Variants in CIZ1 observed in about 807,000 individuals in gnomAD.
The protein encoded by CIZ1 is cip1-interacting zinc finger protein.
In CIZ1, 58 loss-of-function variants were observed where a neutral mutation model predicts 118.6. The observed-to-expected ratio is 0.49, with a 90% CI of 0.40 to 0.61. CIZ1 has a LOEUF of 0.61. CIZ1 is among the 20% of genes least tolerant of loss of function. The probability of loss-of-function intolerance (pLI) is 0.00; values close to 1 mark genes in which losing one functional copy is unlikely to be tolerated. For synonymous variants in CIZ1, 448 were observed against 443.4 expected (o/e 1.01, Z -0.13); for missense variants, 921 against 1,115.9 (o/e 0.83, Z 2.49).
At chr9:128,193,602 T>C (rs1222743774), upstream of CIZ1, among the ~76,000 whole-genome samples, 2 of 152,168 alleles carry the variant, frequency 1.3e-5, no homozygotes, top group East Asian at 3.9e-4. Flanking sequence ...TAATCTCAGC[T>C]ACTCGGGAGG....
At chr9:128,177,528 G>GCCCCCCCCC in intron 10 of CIZ1, 38 bp downstream of exon 10, 1 of 1,164,644 alleles carries the variant, frequency 8.6e-7, no homozygotes, top group Non-Finnish European at 1.2e-6. Flanking sequence ...TTCCACGCAG[G>GCCCCCCCCC]CCCCACCCCT....
At chr9:128,202,813 G>A (rs1409651973) in intron 1 of CIZ1, 2 of 152,180 alleles carry the variant, frequency 1.3e-5, no homozygotes, top group East Asian at 1.9e-4. Flanking sequence ...TGAGGGCAGA[G>A]GCCTTGGCTG....
intron 1 of CIZ1, chr9:128,199,804 G>C (rs1220624352): frequency 1.7e-5 from 2 of 117,800 alleles, no homozygotes; most frequent in Non-Finnish European, 3.5e-5. Context: ...TTTTTTTTGA[G>C]ATGGAGTCTT....
At chr9:128,168,765 G>A in intron 14 of CIZ1, 1 of 403,278 alleles carries the variant, frequency 2.5e-6, no homozygotes, top group Non-Finnish European at 4.7e-6. Context: ...CTTTTCCTTT[G>A]CACACTACAT....
At chr9:128,184,961 C>T (rs773218359) in intron 5 of CIZ1, among the ~76,000 whole-genome samples, 35 of 152,246 alleles carry the variant, frequency 2.3e-4, no homozygotes, top group Non-Finnish European at 4.0e-4. Flanking sequence ...TGAGCCCCCA[C>T]GCTTGGCCAC....
Position 128,177,546 on chromosome 9 carries a change from C to CCAAAAAAACG in CIZ1, c.1818+19_1818+20insCGTTTTTTTG. 7.4e-7 allele frequency: 1 copy of CCAAAAAAACG among 1,353,458 alleles called. No homozygotes were observed. The highest frequency in any genetic ancestry group is 9.9e-7 in the Non-Finnish European group (1 of 1,013,754). The allele number at this position is 1,353,458 out of a possible 1,614,324, so 83.8% of individuals were successfully genotyped here. A position where few individuals can be genotyped will look rare whatever the true frequency, so the allele number is the denominator to read the frequency against. On this transcript the variant is annotated intron_variant, in intron 10 of 16. Coordinates refer to ENST00000372938, the MANE Select transcript of CIZ1 (RefSeq NM_001131016.2). The stretch of plus-strand genomic sequence containing the variant: ...CACGCAGGCCCCACCCCTCCCCACC[C>CCAAAAAAACG]TTATCTCCTGTATCAGTACCTGCTG...
Position 128,169,534 on chromosome 9 carries a change from G to T in CIZ1, c.2032-15C>A. ...TGTTTGGCAATCTGGAAAAAGGCAG[G>T]CCAACCAAGCAGTGTCCCCAGCTGC... On this transcript the variant is annotated splice_polypyrimidine_tract_variant and intron_variant, in intron 12 of 16. Transcript: ENST00000372938. 6.2e-7 allele frequency: 1 copy of T among 1,613,240 alleles called. No homozygotes were observed.
At position 128,166,374 on chromosome 9, in the gene CIZ1, G is replaced by T; in HGVS notation, c.2520C>A (p.Thr840=). The change falls in exon 17 of 17, where the codon ACC becomes ACA. Residue 840 remains threonine, a synonymous_variant. Coordinates refer to ENST00000372938, the MANE Select transcript of CIZ1 (RefSeq NM_001131016.2). The surrounding 1 kb of genome is among the most constrained non-coding windows in gnomAD (Gnocchi z 4.4). ...KYKAAKNPSP[T]TRPVSRRCAI... Reference sequence around the variant, plus strand: ...CGCACCGGCGGCTCACAGGTCGGGTGGTGGGGCTGGGGTTCTTGGCCGCCT... The same window carrying T: ...CGCACCGGCGGCTCACAGGTCGGGTTGTGGGGCTGGGGTTCTTGGCCGCCT... 1 of 1,554,696 alleles carries T rather than the reference G, an allele frequency of 6.4e-7. No individual in the cohort carries two copies.
chr9:128,188,032 AG>A (rs1832610132), intron 3 of CIZ1, 98 bp from the exon 4 acceptor site: 2 of 318,586 alleles, frequency 6.3e-6, no homozygotes, highest in Non-Finnish European at 1.2e-5. Context: ...TATTCATCCC[AG>A]GGTTACTTAA....
chr9:128,180,745 C>T lies in CIZ1; in HGVS notation c.658G>A (p.Glu220Lys), dbSNP rs201582289. 1.9e-6 allele frequency: 3 copies of T among 1,609,672 alleles called. No individual in the cohort carries two copies. The highest frequency in any genetic ancestry group is 2.5e-6 in the Non-Finnish European group (3 of 1,178,822). ...CCTTCTGGTGTGTCCATCCGGGGCT[C>T]TGCGGCTTCCTCAGACCCCTCTGGG... ...DPPEGSEEAAEPRMDTPEDQD... is the reference protein window; with the variant it reads ...DPPEGSEEAAKPRMDTPEDQD... Residue 220 changes from glutamate (E) to lysine (K), a missense_variant, in exon 6 of 17, where the codon GAG becomes AAG. Coordinates refer to ENST00000372938, the MANE Select transcript of CIZ1 (RefSeq NM_001131016.2).
upstream of CIZ1, among the ~76,000 whole-genome samples, chr9:128,195,759 A>G (rs113402012): frequency 1.9e-4 from 29 of 152,160 alleles, no homozygotes; most frequent in African/African-American, 6.3e-4. Context: ...AGCCCCTGAC[A>G]TTGTTATTCT....
In CIZ1 at chr9:128,178,850, C is replaced by T. The variant is rs1564270096; in HGVS notation, c.1357G>A (p.Val453Met). 1 of 1,614,252 alleles carries T rather than the reference C, an allele frequency of 6.2e-7. No homozygotes were observed. Among genetic ancestry groups the T allele is most frequent in the Non-Finnish European group, 8.5e-7 (1 of 1,180,046 alleles). ...VQPQEHPPAQ[V>M]SVQPPEQTHE... ...GTCTGCTCTGGTGGCTGTACTGACA[C>T]CTGCGCTGGAGGATGCTCCTGTGGC... The change falls in exon 8 of 17, where the codon GTG (valine) becomes ATG (methionine). Residue 453 changes from valine to methionine, a missense_variant. By Grantham distance (21) the Val-to-Met change is conservative. Coordinates refer to ENST00000372938, the MANE Select transcript of CIZ1 (RefSeq NM_001131016.2).
chr9:128,190,545 A>G lies in CIZ1; in HGVS notation c.171-101T>C. 3.0e-6 allele frequency: 4 copies of G among 1,355,808 alleles called. No homozygotes were observed. In the Admixed American group the frequency reaches 8.0e-5, roughly 27 times the overall value. 84.0% of individuals were successfully genotyped at this position (1,355,808 alleles called of 1,614,324 possible). A position where few individuals can be genotyped will look rare whatever the true frequency, so the allele number is the denominator to read the frequency against. On this transcript the variant is annotated intron_variant, in intron 2 of 16. Transcript: ENST00000372938. The stretch of plus-strand genomic sequence containing the variant: ...CATTCTCTGCCCCACTCTGTGGTAG[A>G]CAGAGGACCCCTTGGGGCTGGAATT...
chr9:128,178,865 G>C lies in CIZ1; in HGVS notation c.1342C>G (p.His448Asp), dbSNP rs1831200897. Reference protein sequence around the residue: ...QAQPSVQPQEHPPAQVSVQPP... With the variant: ...QAQPSVQPQEDPPAQVSVQPP... Reference sequence around the variant, plus strand: ...TGTACTGACACCTGCGCTGGAGGATGCTCCTGTGGCTGGACGCTTGGCTGT... The same window carrying C: ...TGTACTGACACCTGCGCTGGAGGATCCTCCTGTGGCTGGACGCTTGGCTGT... The change falls in exon 8 of 17, where the codon CAT (histidine) becomes GAT (aspartate). Residue 448 changes from histidine to aspartate, a missense_variant. Physicochemically the swap from His to Asp is moderately conservative, Grantham distance 81. Transcript: ENST00000372938. The C allele has an allele frequency of 6.2e-7, 1 of 1,614,158 alleles. No homozygotes were observed. The highest frequency in any genetic ancestry group is 1.3e-5 in the African/African-American group (1 of 74,952).
intron 11 of CIZ1, among the ~76,000 whole-genome samples, chr9:128,174,035 A>AC (rs1830557499): frequency 6.6e-6 from 1 of 151,920 alleles, no homozygotes; most frequent in Non-Finnish European, 1.5e-5. Flanking sequence ...AAAAAAAAAA[A>AC]ACAAAGAAAT....
chr9:128,193,098 C>T (rs148552781), upstream of CIZ1, among the ~76,000 whole-genome samples: 143 of 152,334 alleles, frequency 9.4e-4, 1 homozygote, highest in East Asian at 0.023. Flanking sequence ...GGCAGATGGG[C>T]GGCGGCTGAG....
At chr9:128,194,362 C>CAA (rs757286334), upstream of CIZ1, among the ~76,000 whole-genome samples, 2,546 of 73,942 alleles carry the variant, frequency 0.034, 158 homozygotes, top group African/African-American at 0.098. Context: ...AACTCCATCT[C>CAA]AAAAAAAAAA....
chr9:128,183,324 G>T (rs12004317), intron 5 of CIZ1, among the ~76,000 whole-genome samples: 1 of 152,050 alleles, frequency 6.6e-6, no homozygotes, highest in African/African-American at 2.4e-5. Context: ...AGGACCAACC[G>T]CACCCCAATC....
At chr9:128,177,982 T>G (rs1313151341) in intron 9 of CIZ1, among the ~76,000 whole-genome samples, 2 of 152,068 alleles carry the variant, frequency 1.3e-5, no homozygotes, top group Non-Finnish European at 2.9e-5. Context: ...TCCCACCCCT[T>G]GTATGACAGA....
Sources: gnomAD v4.1 joint callset for allele counts (sites outside exome capture counted in the v4.1 genomes callset) on GRCh38, gnomAD v4.1.1 for gene constraint, Gnocchi (gnomAD v3.1) non-coding constraint, MANE v1.5 for transcripts, NCBI Gene and HGNC (gene_info 2026-07-23, HGNC 2026-07-21) for gene names.